Variants in ZNF561 observed in about 807,000 individuals in gnomAD.
ZNF561 encodes zinc finger protein 561.
In ZNF561, 16 loss-of-function variants were observed where a neutral mutation model predicts 16.7. The ratio of observed to expected loss-of-function variants is 0.96; its 90% CI spans 0.65 to 1.45. The LOEUF is 1.45. Ranked by LOEUF, ZNF561 falls within the 40% of genes most tolerant of loss-of-function variation. ZNF561 has a pLI of 0.00. For synonymous variants in ZNF561, 190 were observed against 192.1 expected (o/e 0.99, Z 0.09); for missense variants, 580 against 578.0 (o/e 1.00, Z -0.04).
At position 9,608,871 on chromosome 19, in the gene ZNF561, A is replaced by G. The variant is rs1158775131; in HGVS notation, c.*1329T>C. ...GAAGCTTCATTCTTCCTGAGTGCTT[A>G]CAGGAAAATGTGCTCAGAACAGGCC... is the stretch of plus-strand genomic sequence containing the variant. On this transcript the variant is annotated 3_prime_UTR_variant, in exon 6 of 6. Transcript: ENST00000302851. 1.3e-5 allele frequency: 2 copies of G among 152,202 alleles called. No homozygotes were observed. Among genetic ancestry groups the G allele is most frequent in the African/African-American group, 4.8e-5 (2 of 41,456 alleles). 9.4% of individuals were successfully genotyped at this position (152,202 alleles called of 1,614,324 possible). A position where few individuals can be genotyped will look rare whatever the true frequency, so the allele number is the denominator to read the frequency against.
rs1459105043 is a variant in ZNF561 at position 9,609,092 on chromosome 19, C to G, written c.*1108G>C. 3 of 152,176 alleles carry G rather than the reference C, an allele frequency of 2.0e-5. No individual in the cohort carries two copies. The highest frequency in any genetic ancestry group is 1.3e-4 in the Admixed American group (2 of 15,260). 9.4% of individuals were successfully genotyped at this position (152,176 alleles called of 1,614,324 possible). ...AGGCATTCCTAAACCACAAACAATA[C>G]CATGAGTGATTTGTGCCTTAAGGAC... is the stretch of plus-strand genomic sequence containing the variant. On this transcript the variant is annotated 3_prime_UTR_variant, in exon 6 of 6. Coordinates refer to ENST00000302851, the MANE Select transcript of ZNF561 (RefSeq NM_152289.3).
chr19:9,610,683 T>C lies in ZNF561; in HGVS notation c.978A>G (p.Glu326=). The change falls in exon 6 of 6, where the codon GAA becomes GAG. Residue 326 remains glutamate, a synonymous_variant. Coordinates refer to ENST00000302851, the MANE Select transcript of ZNF561 (RefSeq NM_152289.3). ...TTATTCCAGTGTGAGTTCTTACATG[T>C]TCAGTAAGTTGAGTTGATCTAGTGA... ...KAFTRSTQLT[E]HVRTHTGIKP... is the part of the protein sequence containing the mutation. The C allele has an allele frequency of 6.2e-7, 1 of 1,614,142 alleles. No homozygotes were observed. The highest frequency in any genetic ancestry group is 8.5e-7 in the Non-Finnish European group (1 of 1,180,024).
At chr19:9,616,486 G>T (rs896912169) in intron 4 of ZNF561, among the ~76,000 whole-genome samples, 4 of 151,768 alleles carry the variant, frequency 2.6e-5, no homozygotes, top group African/African-American at 9.7e-5. Flanking sequence ...TCACTATTTT[G>T]GCCAGGCTGG....
intron 3 of ZNF561, 35 bp downstream of exon 3, chr19:9,618,055 CA>C: frequency 6.6e-7 from 1 of 1,521,228 alleles, no homozygotes; most frequent in Non-Finnish European, 8.9e-7. Context: ...TGGATGAAAG[CA>C]TATCATTTTT....
chr19:9,611,187 C>T lies in ZNF561; in HGVS notation c.474G>A (p.Val158=). ...GNCYGKDTLS[V]HKEASTGQEL... ...CCTGTCCAGTAGAGGCTTCCTTGTGCACACTGAGGGTGTCTTTTCCATAAC... is the reference window on the plus strand; with the variant it reads ...CCTGTCCAGTAGAGGCTTCCTTGTGTACACTGAGGGTGTCTTTTCCATAAC... Residue 158 remains valine (V), a synonymous_variant, in exon 6 of 6, where the codon GTG becomes GTA. Coordinates refer to ENST00000302851, the MANE Select transcript of ZNF561 (RefSeq NM_152289.3). 6.2e-7 allele frequency: 1 copy of T among 1,613,952 alleles called. No homozygotes were observed.
chr19:9,616,948 A>G, intron 4 of ZNF561, 97 bp downstream of exon 4: 2 of 1,460,050 alleles, frequency 1.4e-6, no homozygotes, highest in Admixed American at 2.3e-5. Context: ...GCTAGTATCA[A>G]ACTCCCAGGC....
At chr19:9,613,731 G>A (rs1157407302) in intron 5 of ZNF561, among the ~76,000 whole-genome samples, 1 of 152,126 alleles carries the variant, frequency 6.6e-6, no homozygotes, top group East Asian at 1.9e-4. Flanking sequence ...CGGCCAGCCT[G>A]GTCTCAAACT....
chr19:9,611,176 G>T lies in ZNF561; in HGVS notation c.485C>A (p.Ala162Asp), dbSNP rs1273154242. The change falls in exon 6 of 6, where the codon GCC (alanine) becomes GAC (aspartate). Residue 162 changes from alanine to aspartate, a missense_variant. By Grantham distance (126) the Ala-to-Asp change is moderately radical. Coordinates refer to ENST00000302851, the MANE Select transcript of ZNF561 (RefSeq NM_152289.3). ...GKDTLSVHKEASTGQELSKFN... is the reference protein window; with the variant it reads ...GKDTLSVHKEDSTGQELSKFN... ...TTTGGAAAGTTCCTGTCCAGTAGAG[G>T]CTTCCTTGTGCACACTGAGGGTGTC... 6.2e-7 allele frequency: 1 copy of T among 1,613,932 alleles called. No individual in the cohort carries two copies. The highest frequency in any genetic ancestry group is 8.5e-7 in the Non-Finnish European group (1 of 1,179,856).
intron 1 of ZNF561, 56 bp from the exon 2 acceptor site, chr19:9,619,638 G>A: frequency 4.0e-6 from 2 of 504,166 alleles, no homozygotes; most frequent in South Asian, 6.9e-5. Context: ...CAAACATTAT[G>A]CCTGAGCTTT....
chr19:9,619,921 C>CCTAT (rs372679906), intron 1 of ZNF561, among the ~76,000 whole-genome samples: 5,955 of 116,198 alleles, frequency 0.051, 359 homozygotes, highest in African/African-American at 0.14. Context: ...CTATATCTAT[C>CCTAT]CTATCTATCT....
Position 9,609,597 on chromosome 19 carries a change from TG to T in ZNF561, c.*602del, listed in dbSNP as rs1474803854. 6.6e-6 allele frequency: 1 copy of T among 152,302 alleles called. No homozygotes were observed. Among genetic ancestry groups the T allele is most frequent in the Non-Finnish European group, 1.5e-5 (1 of 68,154 alleles). The allele number at this position is 152,302 out of a possible 1,614,324, so 9.4% of individuals were successfully genotyped here. On this transcript the variant is annotated 3_prime_UTR_variant, in exon 6 of 6. Coordinates refer to ENST00000302851, the MANE Select transcript of ZNF561 (RefSeq NM_152289.3). Reference sequence around the variant, plus strand: ...CCTTGACAGAAGTGAGAAGAGAGACTGGATTATACTAGAAGAGACATTGCCA... The same window carrying T: ...CCTTGACAGAAGTGAGAAGAGAGACTGATTATACTAGAAGAGACATTGCCA...
intron 2 of ZNF561, chr19:9,618,988 G>T (rs2074609790): frequency 6.6e-6 from 1 of 152,310 alleles, no homozygotes; most frequent in South Asian, 2.1e-4. Context: ...CTGAGGCAGA[G>T]AATTACTTGA....
At position 9,610,895 on chromosome 19, in the gene ZNF561, T is replaced by C; in HGVS notation, c.766A>G (p.Lys256Glu). Residue 256 changes from lysine (K) to glutamate (E), a missense_variant, in exon 6 of 6, where the codon AAG becomes GAG. Transcript: ENST00000302851. Reference protein sequence around the residue: ...VHTGKKSKKTKKCGKSFTNFS... With the variant: ...VHTGKKSKKTEKCGKSFTNFS... Reference sequence around the variant, plus strand: ...TTAGTGAAGGATTTCCCACATTTCTTAGTCTTTTTGGATTTCTTTCCTGTA... The same window carrying C: ...TTAGTGAAGGATTTCCCACATTTCTCAGTCTTTTTGGATTTCTTTCCTGTA... 1 of 1,614,188 alleles carries C rather than the reference T, an allele frequency of 6.2e-7. No homozygotes were observed. The highest frequency in any genetic ancestry group is 8.5e-7 in the Non-Finnish European group (1 of 1,180,036).
At chr19:9,611,832 TC>T (rs2074464404) in intron 5 of ZNF561, among the ~76,000 whole-genome samples, 1 of 152,172 alleles carries the variant, frequency 6.6e-6, no homozygotes, top group African/African-American at 2.4e-5. Context: ...AACCTCAAAC[TC>T]CTGGCTGAGT....
In ZNF561 at chr19:9,610,381, C is replaced by T. The variant is rs367974178; in HGVS notation, c.1280G>A (p.Gly427Glu). The T allele has an allele frequency of 6.2e-6, 10 of 1,614,046 alleles. No homozygotes were observed. Among genetic ancestry groups the T allele is most frequent in the South Asian group, 4.4e-5 (4 of 91,080 alleles). Residue 427 changes from glycine to glutamate, a missense_variant, in exon 6 of 6, where the codon GGG becomes GAG. Gly to Glu is a moderately conservative substitution (Grantham distance 98, BLOSUM62 -2). Coordinates refer to ENST00000302851, the MANE Select transcript of ZNF561 (RefSeq NM_152289.3). Reference sequence around the variant, plus strand: ...GCGTGAGGAATATAGAAATGCTTTCCCACATATCTTGCATACAAAGGGCTT... The same window carrying T: ...GCGTGAGGAATATAGAAATGCTTTCTCACATATCTTGCATACAAAGGGCTT... ...GEKPFVCKICGKAFLYSSRLN... is the reference protein window; with the variant it reads ...GEKPFVCKICEKAFLYSSRLN...
chr19:9,612,494 A>G (rs1263951564), intron 5 of ZNF561, among the ~76,000 whole-genome samples: 1 of 152,160 alleles, frequency 6.6e-6, no homozygotes, highest in African/African-American at 2.4e-5. Flanking sequence ...CTGGGATTAC[A>G]GGCGTGAGCC....
rs1332629253 is a variant in ZNF561, at chr19:9,617,289, C to T, written c.115-118G>A. ...ACGTGGTTGTCAGGTCTCCCATGATCTACTCCAGGGTTTAATGTCTCAGGA... is the reference window on the plus strand; with the variant it reads ...ACGTGGTTGTCAGGTCTCCCATGATTTACTCCAGGGTTTAATGTCTCAGGA... On this transcript the variant is annotated intron_variant, in intron 3 of 5. Coordinates refer to ENST00000302851, the MANE Select transcript of ZNF561 (RefSeq NM_152289.3). The T allele has an allele frequency of 2.0e-5, 28 of 1,417,310 alleles. 1 individual carries two copies. The East Asian group carries it at 6.7e-4, about 34-fold the overall frequency. The allele number at this position is 1,417,310 out of a possible 1,614,324, so 87.8% of individuals were successfully genotyped here.
rs886855770 is a variant in ZNF561, at chr19:9,609,735, A to G, written c.*465T>C. Reference sequence around the variant, plus strand: ...TAATCAGCTGTGAAAGGGCACTGGCAGTTATGGATGGTTTCATTCCTGACA... The same window carrying G: ...TAATCAGCTGTGAAAGGGCACTGGCGGTTATGGATGGTTTCATTCCTGACA... On this transcript the variant is annotated 3_prime_UTR_variant, in exon 6 of 6. Transcript: ENST00000302851. 3 of 155,202 alleles carry G rather than the reference A, an allele frequency of 1.9e-5. No individual in the cohort carries two copies. The highest frequency in any genetic ancestry group is 7.2e-5 in the African/African-American group (3 of 41,472). The allele number at this position is 155,202 out of a possible 1,614,324, so 9.6% of individuals were successfully genotyped here.
Position 9,610,890 on chromosome 19 carries a change from T to A in ZNF561, c.771A>T (p.Lys257Asn). ...AAAAATTAGTGAAGGATTTCCCACA[T>A]TTCTTAGTCTTTTTGGATTTCTTTC... ...HTGKKSKKTK[K>N]CGKSFTNFSQ... is the part of the protein sequence containing the mutation. Residue 257 changes from lysine to asparagine, a missense_variant, in exon 6 of 6, where the codon AAA (lysine) becomes AAT (asparagine). Physicochemically the swap from Lys to Asn is moderately conservative, Grantham distance 94. Transcript: ENST00000302851. 1 of 1,614,176 alleles carries A rather than the reference T, an allele frequency of 6.2e-7. No homozygotes were observed. Among genetic ancestry groups the A allele is most frequent in the Non-Finnish European group, 8.5e-7 (1 of 1,180,024 alleles).
Sources: gnomAD v4.1 joint callset for allele counts (sites outside exome capture counted in the v4.1 genomes callset) on GRCh38, gnomAD v4.1.1 for gene constraint, MANE v1.5 for transcripts, NCBI Gene and HGNC (gene_info 2026-07-23, HGNC 2026-07-21) for gene names.